CHST9: variants seen among roughly 807,000 people sequenced by gnomAD.
CHST9 encodes the protein GalNAc-4-sulfotransferase 2.
CHST9 carries 41 observed loss-of-function variants against 44.4 expected under a neutral mutation model. The observed-to-expected ratio is 0.92, with a 90% CI of 0.72 to 1.20. CHST9 has a LOEUF of 1.20. Among genes scored for constraint, CHST9 ranks in the 50% most tolerant of loss-of-function variants. The probability of loss-of-function intolerance (pLI) is 0.00; values close to 1 mark genes in which losing one functional copy is unlikely to be tolerated. For missense variants in CHST9, 504 were observed against 516.5 expected (o/e 0.98, Z 0.23); for synonymous variants, 171 against 178.4 (o/e 0.96, Z 0.33).
chr18:27,071,348 C>G (rs961567259), intron 2 of CHST9, among the ~76,000 whole-genome samples: 1 of 152,218 alleles, frequency 6.6e-6, no homozygotes, highest in Non-Finnish European at 1.5e-5. Flanking sequence ...TCTTCCCCAG[C>G]CCTGAACTAT....
In CHST9 at chr18:26,997,259, A is replaced by C. The variant is rs191661134; in HGVS notation, c.202+26857T>G. 3.3e-5 allele frequency among the ~76,000 whole-genome samples: 5 copies of C among 152,364 alleles called. No homozygotes were observed. The East Asian group carries it at 9.6e-4, about 29-fold the overall frequency. On this transcript the variant is annotated intron_variant, in intron 4 of 5. Coordinates refer to ENST00000618847, the MANE Select transcript of CHST9 (RefSeq NM_031422.6). ...TTCTTAAAATAAGTAATTCTCCAGC[A>C]TATAACTGCAAACAAAATTCTAAGT...
chr18:27,159,424 T>C lies in CHST9; in HGVS notation c.-96-16519A>G, dbSNP rs1216627736. Among the ~76,000 whole-genome samples the C allele has an allele frequency of 9.2e-5, 14 of 152,356 alleles. No individual in the cohort carries two copies. The East Asian group carries it at 2.5e-3, about 27-fold the overall frequency. Reference sequence around the variant, plus strand: ...GTCAAAGATCAGATGGTTGTAGATATGTGGCATTATTTCTGAGGGATCTGT... The same window carrying C: ...GTCAAAGATCAGATGGTTGTAGATACGTGGCATTATTTCTGAGGGATCTGT... On this transcript the variant is annotated intron_variant, in intron 1 of 5. Transcript: ENST00000618847.
At chr18:27,138,436 C>T (rs1048698215) in intron 2 of CHST9, among the ~76,000 whole-genome samples, 1 of 152,150 alleles carries the variant, frequency 6.6e-6, no homozygotes, top group Non-Finnish European at 1.5e-5. Context: ...ACATTAGGAA[C>T]CAGAATGGCT....
intron 5 of CHST9, among the ~76,000 whole-genome samples, chr18:26,937,006 A>G (rs1028726737): frequency 5.9e-5 from 9 of 152,238 alleles, no homozygotes; most frequent in Non-Finnish European, 1.3e-4. Context: ...GAGAGTTTTT[A>G]GAAGTAACAT....
chr18:26,986,423 A>G (rs1366599061), intron 4 of CHST9, among the ~76,000 whole-genome samples: 2 of 152,186 alleles, frequency 1.3e-5, no homozygotes, highest in Non-Finnish European at 2.9e-5. Flanking sequence ...TAAAAAAAGA[A>G]AAGAGAATTA....
rs535787835 is a variant in CHST9 at position 27,022,938 on chromosome 18, A to G, written c.202+1178T>C. On this transcript the variant is annotated intron_variant, in intron 4 of 5. Transcript: ENST00000618847. ...TATTTATCTCTACATCCCTTGATGC[A>G]ATAAGCATGGCCCTTGGCTAAGTGT... 2.6e-5 allele frequency among the ~76,000 whole-genome samples: 4 copies of G among 152,342 alleles called. No homozygotes were observed. The South Asian group carries it at 6.2e-4, about 24-fold the overall frequency.
At chr18:26,932,544 CA>C (rs138141625) in intron 5 of CHST9, among the ~76,000 whole-genome samples, 5,887 of 152,162 alleles carry the variant, frequency 0.039, 385 homozygotes, top group African/African-American at 0.13. Flanking sequence ...TTAGCTGGAT[CA>C]GGGGTGAAGG....
At chr18:27,022,895 A>T (rs2057242866) in intron 4 of CHST9, among the ~76,000 whole-genome samples, 1 of 152,232 alleles carries the variant, frequency 6.6e-6, no homozygotes, top group South Asian at 2.1e-4. Context: ...CAGTAAAGTG[A>T]AGACAAAAAG....
intron 1 of CHST9, among the ~76,000 whole-genome samples, chr18:27,180,503 A>T (rs999160872): frequency 2.0e-5 from 3 of 152,156 alleles, no homozygotes; most frequent in Admixed American, 6.5e-5. Flanking sequence ...ACAGCAAATC[A>T]CAAGCCTTCT....
chr18:26,931,594 C>T (rs2055878367), intron 5 of CHST9, among the ~76,000 whole-genome samples: 1 of 152,206 alleles, frequency 6.6e-6, no homozygotes, highest in Non-Finnish European at 1.5e-5. Flanking sequence ...GAGCCTGCTT[C>T]CTCCTGAGCA....
chr18:26,956,880 T>C (rs1184773280), intron 4 of CHST9, among the ~76,000 whole-genome samples: 2 of 152,226 alleles, frequency 1.3e-5, no homozygotes, highest in Non-Finnish European at 2.9e-5. Flanking sequence ...TGCATACTGA[T>C]TCTTTCCTGT....
In CHST9 at chr18:27,080,607, C is replaced by A. The variant is rs377048343; in HGVS notation, c.122-32104G>T. ...ATGAGTGAGTTAATGTGGGTAGGCACTGTGTAAAGAAGGCATAGGTGGCCA... is the reference window on the plus strand; with the variant it reads ...ATGAGTGAGTTAATGTGGGTAGGCAATGTGTAAAGAAGGCATAGGTGGCCA... On this transcript the variant is annotated intron_variant, in intron 2 of 5. Coordinates refer to ENST00000618847, the MANE Select transcript of CHST9 (RefSeq NM_031422.6). Among the ~76,000 whole-genome samples the A allele has an allele frequency of 9.9e-5, 15 of 152,206 alleles. 1 individual carries two copies. The highest frequency in any genetic ancestry group is 3.6e-4 in the African/African-American group (15 of 41,524).
At chr18:27,045,472 C>G (rs2057488989) in intron 3 of CHST9, among the ~76,000 whole-genome samples, 1 of 151,864 alleles carries the variant, frequency 6.6e-6, no homozygotes, top group South Asian at 2.1e-4. Flanking sequence ...TACATAAAAT[C>G]TATGAAATAG....
At chr18:26,930,804 C>G (rs1224375417) in intron 5 of CHST9, 1 of 153,834 alleles carries the variant, frequency 6.5e-6, no homozygotes, top group Non-Finnish European at 1.5e-5. Context: ...GGGGCACCTG[C>G]CACCAGCAGC....
At chr18:27,107,989 C>A (rs2058236684) in intron 2 of CHST9, among the ~76,000 whole-genome samples, 1 of 152,146 alleles carries the variant, frequency 6.6e-6, no homozygotes, top group African/African-American at 2.4e-5. Context: ...GGTTCCCAGT[C>A]TACTTGTCCA....
Position 27,115,498 on chromosome 18 carries a change from C to A in CHST9, c.121+27191G>T, listed in dbSNP as rs150730603. Among the ~76,000 whole-genome samples, 100 of 152,166 alleles carry A rather than the reference C, an allele frequency of 6.6e-4. No homozygotes were observed. The East Asian group carries it at 0.016, about 25-fold the overall frequency. On this transcript the variant is annotated intron_variant, in intron 2 of 5. Coordinates refer to ENST00000618847, the MANE Select transcript of CHST9 (RefSeq NM_031422.6). ...CAAGTAATATATAAAATTCCAATTT[C>A]TCCACATTTTTGGCATACTTGTTAT... is the stretch of plus-strand genomic sequence containing the variant.
chr18:26,995,412 C>T (rs1189284933), intron 4 of CHST9, among the ~76,000 whole-genome samples: 7 of 146,808 alleles, frequency 4.8e-5, no homozygotes, highest in Admixed American at 2.1e-4. Context: ...CACTGCAACC[C>T]GGGTGACAGA....
chr18:27,056,953 A>G (rs2057663263), intron 2 of CHST9, among the ~76,000 whole-genome samples: 1 of 152,206 alleles, frequency 6.6e-6, no homozygotes, highest in South Asian at 2.1e-4. Flanking sequence ...TTTACATGTC[A>G]AAATTCTCCC....
At chr18:26,931,744 T>C (rs2055881647) in intron 5 of CHST9, among the ~76,000 whole-genome samples, 1 of 152,194 alleles carries the variant, frequency 6.6e-6, no homozygotes. Context: ...AGAGTGAGCT[T>C]TGAATGAGTA....
Sources: gnomAD v4.1 joint callset for allele counts (sites outside exome capture counted in the v4.1 genomes callset) on GRCh38, gnomAD v4.1.1 for gene constraint, MANE v1.5 for transcripts, NCBI Gene and HGNC (gene_info 2026-07-23, HGNC 2026-07-21) for gene names.